KGD4: variants seen among roughly 807,000 people sequenced by gnomAD.
KGD4 encodes the protein alpha-ketoglutarate dehydrogenase component 4.
chr5:69,225,081 A>G, the KGD4 span, among the ~76,000 whole-genome samples: 1 of 100,570 alleles, frequency 9.9e-6, no homozygotes, highest in Non-Finnish European at 2.0e-5. Context: ...CTGAAAAAAG[A>G]AAAAAAAAAA....
the KGD4 span, among the ~76,000 whole-genome samples, chr5:69,221,125 A>G: frequency 2.6e-5 from 4 of 151,454 alleles, no homozygotes; most frequent in Non-Finnish European, 5.9e-5. Context: ...TCTCTCCACT[A>G]TTATCCTATG....
the KGD4 span, chr5:69,226,359 T>G: frequency 6.2e-7 from 1 of 1,608,128 alleles, no homozygotes; most frequent in Non-Finnish European, 8.5e-7. Flanking sequence ...ACACACTCCA[T>G]TAATAAGGTT....
chr5:69,228,064 A>G, the KGD4 span: 1 of 676,906 alleles, frequency 1.5e-6, no homozygotes, highest in Non-Finnish European at 2.3e-6. Flanking sequence ...ACCTTTTGGA[A>G]TTATAATACT....
the KGD4 span, chr5:69,229,576 G>C: frequency 5.7e-6 from 1 of 174,032 alleles, no homozygotes; most frequent in East Asian, 1.5e-4. Flanking sequence ...TTTACTTTCT[G>C]TTTAGGCATG....
the KGD4 span, among the ~76,000 whole-genome samples, chr5:69,218,836 C>T: frequency 6.6e-6 from 1 of 152,146 alleles, no homozygotes; most frequent in East Asian, 1.9e-4. Flanking sequence ...AGATCCCAGT[C>T]TTTGGTCCCA....
the KGD4 span, chr5:69,218,032 T>G: frequency 8.6e-7 from 1 of 1,167,416 alleles, no homozygotes; most frequent in Non-Finnish European, 1.2e-6. Flanking sequence ...GATGGGACTT[T>G]GAGCCTGTTG....
chr5:69,226,217 G>A, the KGD4 span: 6 of 666,474 alleles, frequency 9.0e-6, no homozygotes, highest in Non-Finnish European at 1.6e-5. Flanking sequence ...GGTTGGGGAA[G>A]AGTATAATTT....
At chr5:69,226,515 C>A in the KGD4 span, 1 of 763,734 alleles carries the variant, frequency 1.3e-6, no homozygotes, top group Non-Finnish European at 2.1e-6. Flanking sequence ...ACTATTGTAG[C>A]TTAGATCAAA....
the KGD4 span, among the ~76,000 whole-genome samples, chr5:69,222,936 C>T: frequency 3.7e-4 from 56 of 149,726 alleles, no homozygotes; most frequent in Middle Eastern, 0.011. Context: ...CCACCACGCC[C>T]GGCTAATTTT....
the KGD4 span, among the ~76,000 whole-genome samples, chr5:69,224,421 G>A: frequency 6.6e-5 from 10 of 151,846 alleles, no homozygotes; most frequent in Non-Finnish European, 1.3e-4. Flanking sequence ...TTTGTTTTAC[G>A]TGGGTCTTGG....
At chr5:69,221,027 C>A in the KGD4 span, among the ~76,000 whole-genome samples, 1 of 152,038 alleles carries the variant, frequency 6.6e-6, no homozygotes, top group Non-Finnish European at 1.5e-5. Flanking sequence ...TCTCAAGTAC[C>A]CAGGGACGTA....
the KGD4 span, among the ~76,000 whole-genome samples, chr5:69,218,303 A>ACCCACTGTCCCTTC: frequency 2.0e-5 from 3 of 152,032 alleles, no homozygotes; most frequent in Non-Finnish European, 4.4e-5. Context: ...CCTGGATCTG[A>ACCCACTGTCCCTTC]CCCACTGTCC....
the KGD4 span, chr5:69,218,012 T>A: frequency 2.9e-6 from 4 of 1,363,976 alleles, no homozygotes; most frequent in Non-Finnish European, 4.1e-6. Flanking sequence ...CGCCCGCGGG[T>A]GTGTGTGAGG....
the KGD4 span, chr5:69,228,523 T>C: frequency 1.2e-6 from 1 of 801,278 alleles, no homozygotes; most frequent in Non-Finnish European, 2.0e-6. Flanking sequence ...GATGGTCAGG[T>C]AGGCCAAGAC....
At chr5:69,228,781 A>C in the KGD4 span, among the ~76,000 whole-genome samples, 1 of 152,018 alleles carries the variant, frequency 6.6e-6, no homozygotes, top group Non-Finnish European at 1.5e-5. Flanking sequence ...TTGGGAGGCC[A>C]AGGCAGGTGG....
At chr5:69,220,375 G>T in the KGD4 span, among the ~76,000 whole-genome samples, 1 of 152,178 alleles carries the variant, frequency 6.6e-6, no homozygotes, top group South Asian at 2.1e-4. Context: ...GACAAAGCCA[G>T]CTGGGCACGG....
chr5:69,224,350 C>T, the KGD4 span, among the ~76,000 whole-genome samples: 1 of 149,634 alleles, frequency 6.7e-6, no homozygotes, highest in South Asian at 2.1e-4. Flanking sequence ...GAGATTACGC[C>T]ACTACATTCC....
the KGD4 span, among the ~76,000 whole-genome samples, chr5:69,221,540 T>C: frequency 1.3e-5 from 2 of 152,186 alleles, no homozygotes; most frequent in Non-Finnish European, 2.9e-5. Context: ...GAAAAGATAG[T>C]CTTTTCAACA....
the KGD4 span, among the ~76,000 whole-genome samples, chr5:69,221,056 A>G: frequency 1.3e-5 from 2 of 152,202 alleles, no homozygotes; most frequent in African/African-American, 2.4e-5. Context: ...GGAAGGCCGC[A>G]GGGACCTCTG....
Sources: gnomAD v4.1 joint callset for allele counts (sites outside exome capture counted in the v4.1 genomes callset) on GRCh38, gnomAD v4.1.1 for gene constraint, MANE v1.5 for transcripts, NCBI Gene and HGNC (gene_info 2026-07-23, HGNC 2026-07-21) for gene names.